Variants in CDC42SE2 observed in about 807,000 individuals in gnomAD.
CDC42SE2 encodes the protein CDC42 small effector 2.
In CDC42SE2, 3 loss-of-function variants were observed where a neutral mutation model predicts 11.5. The observed-to-expected ratio is 0.26, with a 90% CI of 0.12 to 0.67. The LOEUF (loss-of-function observed/expected upper bound fraction) is 0.67. Ranked by LOEUF, CDC42SE2 falls within the 30% of genes least tolerant of loss-of-function variation. The probability of loss-of-function intolerance (pLI) is 0.80; values close to 1 mark genes in which losing one functional copy is unlikely to be tolerated. For missense variants in CDC42SE2, 82 were observed against 106.8 expected, an observed-to-expected ratio of 0.77 and a Z score of 1.02; for synonymous variants, 33 against 34.8, an observed-to-expected ratio of 0.95 and a Z score of 0.18.
At chr5:131,246,680 G>A (rs1580714128) in intron 1 of CDC42SE2, among the ~76,000 whole-genome samples, 1 of 150,926 alleles carries the variant, frequency 6.6e-6, no homozygotes, top group South Asian at 2.1e-4. Context: ...GTGGGTGAGG[G>A]TCCATGTTTG....
At chr5:131,370,603 A>T (rs113313781) in intron 3 of CDC42SE2, among the ~76,000 whole-genome samples, 1 of 152,016 alleles carries the variant, frequency 6.6e-6, no homozygotes, top group South Asian at 2.1e-4. Flanking sequence ...GATTACAGGC[A>T]TGAGCGACTT....
intron 1 of CDC42SE2, among the ~76,000 whole-genome samples, chr5:131,285,163 T>TAA (rs1757315351): frequency 1.3e-5 from 2 of 151,782 alleles, no homozygotes; most frequent in Non-Finnish European, 2.9e-5. Context: ...GTATACACCT[T>TAA]TGTCCCAGCA....
chr5:131,238,364 G>A, the CDC42SE2 span, among the ~76,000 whole-genome samples: 1 of 151,964 alleles, frequency 6.6e-6, no homozygotes, highest in African/African-American at 2.4e-5. Context: ...TTAGCCGGGC[G>A]TGGTGGCGGG....
chr5:131,217,477 T>A, the CDC42SE2 span, among the ~76,000 whole-genome samples: 3 of 152,346 alleles, frequency 2.0e-5, no homozygotes, highest in African/African-American at 7.2e-5. Context: ...CTCAAAAGCA[T>A]GATTTAGAAA....
At chr5:131,387,834 T>G (rs1481651601) in intron 4 of CDC42SE2, among the ~76,000 whole-genome samples, 3 of 152,208 alleles carry the variant, frequency 2.0e-5, no homozygotes, top group Admixed American at 2.0e-4. Context: ...GCTACTGAAG[T>G]GGACTTTTTA....
chr5:131,313,013 T>G (rs1188227739), intron 1 of CDC42SE2, among the ~76,000 whole-genome samples: 5 of 151,850 alleles, frequency 3.3e-5, no homozygotes, highest in Admixed American at 2.0e-4. Context: ...GACGGAGTCT[T>G]GCTCTGTCAC....
At chr5:131,339,226 G>A (rs1758649095) in intron 2 of CDC42SE2, among the ~76,000 whole-genome samples, 3 of 113,862 alleles carry the variant, frequency 2.6e-5, no homozygotes, top group Admixed American at 1.2e-4. Flanking sequence ...CCAGCGTGGT[G>A]ACAGAGTGAG....
chr5:131,339,203 G>A (rs1038097100), intron 2 of CDC42SE2, among the ~76,000 whole-genome samples: 1 of 127,266 alleles, frequency 7.9e-6, no homozygotes, highest in African/African-American at 3.1e-5. Context: ...AGCTGAGATC[G>A]CACCACTGCA....
intron 1 of CDC42SE2, among the ~76,000 whole-genome samples, chr5:131,254,117 G>A (rs1449954642): frequency 1.3e-5 from 2 of 152,126 alleles, no homozygotes; most frequent in African/African-American, 2.4e-5. Context: ...CATGTGCCAC[G>A]TTGGTTTGCT....
chr5:131,345,258 A>C (rs1758811154), intron 2 of CDC42SE2, among the ~76,000 whole-genome samples: 1 of 152,170 alleles, frequency 6.6e-6, no homozygotes, highest in African/African-American at 2.4e-5. Context: ...AAACCTTGAA[A>C]AAAGATGAGA....
intron 3 of CDC42SE2, among the ~76,000 whole-genome samples, chr5:131,365,716 C>G (rs1428240716): frequency 1.3e-5 from 2 of 152,238 alleles, no homozygotes; most frequent in African/African-American, 4.8e-5. Context: ...GGCGTGGTGG[C>G]TCACACCTGT....
At chr5:131,309,735 G>A (rs1451995564) in intron 1 of CDC42SE2, among the ~76,000 whole-genome samples, 2 of 151,984 alleles carry the variant, frequency 1.3e-5, no homozygotes. Context: ...TATTTGCGTA[G>A]AGGTGTTTGT....
intron 1 of CDC42SE2, among the ~76,000 whole-genome samples, chr5:131,314,866 T>A (rs1758007258): frequency 1.3e-5 from 2 of 152,194 alleles, no homozygotes; most frequent in Non-Finnish European, 2.9e-5. Flanking sequence ...ATATGGAACC[T>A]TGACACTTCA....
chr5:131,248,690 G>A (rs1230199220), intron 1 of CDC42SE2, among the ~76,000 whole-genome samples: 2 of 152,096 alleles, frequency 1.3e-5, no homozygotes, highest in African/African-American at 4.8e-5. Flanking sequence ...AACATAAAGA[G>A]AATAAACTGT....
At chr5:131,370,480 A>G (rs1409764184) in intron 3 of CDC42SE2, among the ~76,000 whole-genome samples, 1 of 148,162 alleles carries the variant, frequency 6.7e-6, no homozygotes, top group African/African-American at 2.5e-5. Flanking sequence ...CATTTATTTT[A>G]CCTTTTTTTT....
intron 1 of CDC42SE2, among the ~76,000 whole-genome samples, chr5:131,266,678 G>A (rs1756873381): frequency 6.6e-6 from 1 of 152,024 alleles, no homozygotes; most frequent in East Asian, 1.9e-4. Context: ...GGCTGGTCTC[G>A]AACTCCTGGT....
At chr5:131,284,538 C>G (rs771049850) in intron 1 of CDC42SE2, among the ~76,000 whole-genome samples, 1 of 152,088 alleles carries the variant, frequency 6.6e-6, no homozygotes, top group Non-Finnish European at 1.5e-5. Flanking sequence ...GTAGTGTGAT[C>G]ATACTTGGTG....
At chr5:131,376,791 T>TC (rs1750168612) in intron 3 of CDC42SE2, among the ~76,000 whole-genome samples, 1 of 152,218 alleles carries the variant, frequency 6.6e-6, no homozygotes, top group African/African-American at 2.4e-5. Flanking sequence ...GGCCTCCAGC[T>TC]CCATCCATGT....
intron 3 of CDC42SE2, among the ~76,000 whole-genome samples, chr5:131,378,335 T>C (rs1421970177): frequency 6.6e-6 from 1 of 152,230 alleles, no homozygotes; most frequent in Non-Finnish European, 1.5e-5. Context: ...CAACTTTTGT[T>C]AGCCTTTTTT....
Sources: allele counts gnomAD v4.1 joint callset (sites outside exome capture counted in the v4.1 genomes callset), GRCh38; gene constraint gnomAD v4.1.1; transcripts MANE v1.5; gene names NCBI Gene and HGNC (gene_info 2026-07-23, HGNC 2026-07-21).